Variants in TBCK observed in about 807,000 individuals in gnomAD.
TBCK encodes TBC1 domain containing kinase, also known as TBC domain-containing protein kinase-like protein.
TBCK carries 99 observed loss-of-function variants against 113.4 expected under a neutral mutation model. The observed-to-expected ratio is 0.87, with a 90% confidence interval of 0.74 to 1.03. The LOEUF is 1.03. Among genes scored for constraint, TBCK ranks in the 50% least tolerant of loss-of-function variants. TBCK has a pLI of 0.00. For synonymous variants in TBCK, 369 were observed against 370.8 expected (o/e 1.00, Z 0.05); for missense variants, 1,045 against 1,061.3 (o/e 0.98, Z 0.21).
chr4:106,273,284 A>G (rs1293781654), intron 3 of TBCK, among the ~76,000 whole-genome samples: 1 of 152,248 alleles, frequency 6.6e-6, no homozygotes, highest in Non-Finnish European at 1.5e-5. Context: ...TATACAAATC[A>G]TATGAGATAT....
At chr4:106,136,888 A>G (rs1431388825) in intron 23 of TBCK, among the ~76,000 whole-genome samples, 1 of 141,132 alleles carries the variant, frequency 7.1e-6, no homozygotes, top group African/African-American at 2.5e-5. Flanking sequence ...AATGATAAAG[A>G]AAGAAAGATA....
At chr4:106,184,414 G>A (rs1752771235) in intron 22 of TBCK, among the ~76,000 whole-genome samples, 1 of 151,914 alleles carries the variant, frequency 6.6e-6, no homozygotes, top group South Asian at 2.1e-4. Flanking sequence ...GACTTACCAG[G>A]ACAAGGGAGT....
intron 3 of TBCK, among the ~76,000 whole-genome samples, chr4:106,269,506 G>C (rs1382485353): frequency 3.3e-5 from 5 of 151,998 alleles, no homozygotes; most frequent in Admixed American, 3.3e-4. Context: ...AATTGAAAAA[G>C]GAAATAACAC....
At chr4:106,050,884 G>A (rs1178933114) in intron 25 of TBCK, among the ~76,000 whole-genome samples, 1 of 151,898 alleles carries the variant, frequency 6.6e-6, no homozygotes, top group Non-Finnish European at 1.5e-5. Context: ...CAGTTCCTCT[G>A]GTTTTTAGGA....
chr4:106,107,770 A>G (rs1025688160), intron 24 of TBCK, among the ~76,000 whole-genome samples: 2 of 152,164 alleles, frequency 1.3e-5, no homozygotes, highest in Admixed American at 6.5e-5. Flanking sequence ...TAGAACTGAG[A>G]AATAATTACA....
chr4:106,165,562 TC>T (rs1313171707), intron 23 of TBCK, among the ~76,000 whole-genome samples: 3 of 151,738 alleles, frequency 2.0e-5, no homozygotes, highest in African/African-American at 7.2e-5. Context: ...GAACATCATG[TC>T]CTTTGTACAG....
chr4:106,287,105 T>G (rs973216282), intron 3 of TBCK, among the ~76,000 whole-genome samples: 3 of 152,078 alleles, frequency 2.0e-5, no homozygotes, highest in African/African-American at 7.2e-5. Flanking sequence ...CTCTGGAACT[T>G]CGGGGTGTTC....
intron 6 of TBCK, among the ~76,000 whole-genome samples, chr4:106,251,625 GA>G (rs1171476981): frequency 6.6e-6 from 1 of 151,668 alleles, no homozygotes; most frequent in Non-Finnish European, 1.5e-5. Context: ...ACACATTATA[GA>G]GATATCAAAA....
chr4:106,060,632 T>A (rs1578777106), intron 25 of TBCK, among the ~76,000 whole-genome samples: 1 of 151,790 alleles, frequency 6.6e-6, no homozygotes, highest in African/African-American at 2.4e-5. Context: ...CTTCATGCAT[T>A]CTAACACATT....
intron 19 of TBCK, among the ~76,000 whole-genome samples, chr4:106,227,008 A>G (rs188930684): frequency 1.8e-4 from 28 of 152,224 alleles, no homozygotes; most frequent in Non-Finnish European, 3.7e-4. Flanking sequence ...AACTTCCACT[A>G]CAAAATGCAC....
At chr4:106,145,902 T>C (rs2149666781) in intron 23 of TBCK, among the ~76,000 whole-genome samples, 1 of 152,244 alleles carries the variant, frequency 6.6e-6, no homozygotes, top group Admixed American at 6.5e-5. Context: ...AAACAGATGC[T>C]GGCAAGGTTG....
At chr4:106,233,737 A>G (rs575857445) in intron 15 of TBCK, 87 bp from the exon 16 acceptor site, 2 of 1,133,934 alleles carry the variant, frequency 1.8e-6, no homozygotes, top group Non-Finnish European at 2.5e-6. Context: ...ACAAATATCT[A>G]TCTTTGGAAA....
At position 106,305,461 on chromosome 4, in the gene TBCK, T is replaced by G. The variant is rs373584862; in HGVS notation, c.193+3307A>C. On this transcript the variant is annotated intron_variant, in intron 2 of 25. Coordinates refer to ENST00000394708, the MANE Select transcript of TBCK (RefSeq NM_001163435.3). ...ACAGAAGAGCCATTGCTCTGTGGTC[T>G]AAAGTCCTTTATCCCACCAAAACCT... 5.7e-3 allele frequency among the ~76,000 whole-genome samples: 865 copies of G among 152,116 alleles called. 9 individuals are homozygous for G. The highest frequency in any genetic ancestry group is 0.02 in the African/African-American group (835 of 41,542).
At chr4:106,109,606 A>T (rs1742582733) in intron 24 of TBCK, among the ~76,000 whole-genome samples, 1 of 152,188 alleles carries the variant, frequency 6.6e-6, no homozygotes, top group Admixed American at 6.5e-5. Flanking sequence ...CCTTCCTTAC[A>T]CCATATACAA....
chr4:106,166,703 T>C (rs1231565973), intron 23 of TBCK, among the ~76,000 whole-genome samples: 1 of 151,652 alleles, frequency 6.6e-6, no homozygotes, highest in Non-Finnish European at 1.5e-5. Flanking sequence ...GCAAATCAAA[T>C]ATAGCCAGTA....
Position 106,041,605 on chromosome 4 carries a change from AG to A in TBCK, c.*4964del, listed in dbSNP as rs1733882473. On this transcript the variant is annotated 3_prime_UTR_variant, in exon 26 of 26. Transcript: ENST00000394708. ...TACCAATTAGAACAGAACAGTATTT[AG>A]AACTGTTTATTAGAACAGATCAGTA... The A allele has an allele frequency of 1.3e-5, 2 of 152,250 alleles. No individual in the cohort carries two copies. The highest frequency in any genetic ancestry group is 2.9e-5 in the Non-Finnish European group (2 of 68,040). 9.4% of individuals were successfully genotyped at this position (152,250 alleles called of 1,614,324 possible).
chr4:106,168,686 A>G (rs946361398), intron 23 of TBCK, among the ~76,000 whole-genome samples: 3 of 152,072 alleles, frequency 2.0e-5, no homozygotes, highest in Middle Eastern at 6.8e-3. Flanking sequence ...TTTCCTGTAT[A>G]CCTGCAATGT....
chr4:106,092,590 G>A (rs1171837252), intron 25 of TBCK, among the ~76,000 whole-genome samples: 4 of 152,226 alleles, frequency 2.6e-5, no homozygotes, highest in African/African-American at 9.6e-5. Flanking sequence ...GTGCAGCGCT[G>A]GTGGGCCAGC....
In TBCK at chr4:106,302,663, T is replaced by C. The variant is rs926309147; in HGVS notation, c.193+6105A>G. Among the ~76,000 whole-genome samples, 3 of 152,238 alleles carry C rather than the reference T, an allele frequency of 2.0e-5. No homozygotes were observed. The South Asian group carries it at 6.2e-4, about 32-fold the overall frequency. ...GACAGGCCTCTGCCAAATTTACAGA[T>C]GTTCACCACCCATGGTTAATACTCA... is the stretch of plus-strand genomic sequence containing the variant. On this transcript the variant is annotated intron_variant, in intron 2 of 25. Coordinates refer to ENST00000394708, the MANE Select transcript of TBCK (RefSeq NM_001163435.3).
Sources: allele counts gnomAD v4.1 joint callset (sites outside exome capture counted in the v4.1 genomes callset), GRCh38; gene constraint gnomAD v4.1.1; transcripts MANE v1.5; gene names NCBI Gene and HGNC (gene_info 2026-07-23, HGNC 2026-07-21).